STEAP1: variants seen among roughly 807,000 people sequenced by gnomAD.
STEAP1 encodes the protein STEAP1 protein.
Under a neutral mutation model 34.4 loss-of-function variants are expected in STEAP1, and 30 were observed. The ratio of observed to expected loss-of-function variants is 0.87; its 90% CI spans 0.65 to 1.18. The LOEUF is 1.18. STEAP1 is among the 50% of genes most tolerant of loss of function. The pLI, the probability that STEAP1 is intolerant of heterozygous loss-of-function variation, is 0.00. For missense variants in STEAP1, 318 were observed against 391.1 expected (o/e 0.81, Z 1.58); for synonymous variants, 116 against 135.3 (o/e 0.86, Z 0.99).
At chr7:90,156,813 G>A (rs1351052675) in intron 1 of STEAP1, among the ~76,000 whole-genome samples, 2 of 152,094 alleles carry the variant, frequency 1.3e-5, no homozygotes, top group Admixed American at 6.5e-5. Flanking sequence ...TTCACCTTCC[G>A]CCATGACTAT....
At chr7:90,154,698 C>G (rs1212558937) in intron 1 of STEAP1, among the ~76,000 whole-genome samples, 155 bp downstream of exon 1, 1 of 152,184 alleles carries the variant, frequency 6.6e-6, no homozygotes, top group Non-Finnish European at 1.5e-5. Flanking sequence ...GCGAGCGCTG[C>G]TCAATTCTCC....
intron 3 of STEAP1, 47 bp downstream of exon 3, chr7:90,161,364 C>T: frequency 6.5e-7 from 1 of 1,543,222 alleles, no homozygotes; most frequent in South Asian, 1.3e-5. Flanking sequence ...GTCTAAGTCA[C>T]CTAACAAATT....
At chr7:90,162,820 TAG>T (rs1401578455) in intron 4 of STEAP1, among the ~76,000 whole-genome samples, 7 of 152,292 alleles carry the variant, frequency 4.6e-5, no homozygotes, top group Middle Eastern at 3.4e-3. Context: ...CTTGAAATAA[TAG>T]AGTTTTTATC....
chr7:90,164,748 A>C lies in STEAP1; in HGVS notation c.*14A>C. The C allele has an allele frequency of 1.9e-6, 3 of 1,590,662 alleles. No individual in the cohort carries two copies. The highest frequency in any genetic ancestry group is 2.6e-6 in the Non-Finnish European group (3 of 1,168,586). ...TCCCAGTTGTAGAATTACTGTTTAC[A>C]CACATTTTTGTTCAATATTGATATA... On this transcript the variant is annotated 3_prime_UTR_variant, in exon 5 of 5. Transcript: ENST00000297205.
chr7:90,160,708 CA>C (rs1431658999), intron 2 of STEAP1, 96 bp from the exon 3 acceptor site: 2 of 1,506,736 alleles, frequency 1.3e-6, no homozygotes, highest in African/African-American at 2.8e-5. Flanking sequence ...TGCCCTTATT[CA>C]ATGAGAAGCA....
chr7:90,160,235 C>T (rs1794166029), intron 2 of STEAP1, among the ~76,000 whole-genome samples: 1 of 151,170 alleles, frequency 6.6e-6, no homozygotes, highest in Non-Finnish European at 1.5e-5. Context: ...GCCCATATAA[C>T]AGTAATTTTG....
intron 1 of STEAP1, among the ~76,000 whole-genome samples, chr7:90,156,494 G>A (rs1340197999): frequency 6.6e-6 from 1 of 152,212 alleles, no homozygotes; most frequent in Non-Finnish European, 1.5e-5. Context: ...TTTAGGAACT[G>A]GGCTGCACAG....
rs780653386 is a variant in STEAP1 at position 90,161,118 on chromosome 7, GTGTGATAGCAGCAAT to G, written c.402_416del (p.Ile135_Val139del). The G allele has an allele frequency of 1.6e-5, 26 of 1,613,878 alleles. No homozygotes were observed. Among genetic ancestry groups the G allele is most frequent in the Non-Finnish European group, 2.1e-5 (25 of 1,179,880 alleles). ...CTCTTGGCATTGGTTTACCTGCCAGGTGTGATAGCAGCAATTGTCCAACTTCATAATGGAACCAAG... is the reference window on the plus strand; with the variant it reads ...CTCTTGGCATTGGTTTACCTGCCAGGTGTCCAACTTCATAATGGAACCAAG... On this transcript the variant is annotated inframe_deletion, in exon 3 of 5. Coordinates refer to ENST00000297205, the MANE Select transcript of STEAP1 (RefSeq NM_012449.3).
rs1562784625 is a variant in STEAP1, at chr7:90,161,118, G to C, written c.398G>C (p.Gly133Ala). ...ITLLALVYLP[G>A]VIAAIVQLHN... The stretch of plus-strand genomic sequence containing the variant: ...CTCTTGGCATTGGTTTACCTGCCAG[G>C]TGTGATAGCAGCAATTGTCCAACTT... The change falls in exon 3 of 5, where the codon GGT becomes GCT. Residue 133 changes from glycine to alanine, a missense_variant. Gly to Ala is a moderately conservative substitution (Grantham distance 60, BLOSUM62 0). Coordinates refer to ENST00000297205, the MANE Select transcript of STEAP1 (RefSeq NM_012449.3). The C allele has an allele frequency of 6.2e-7, 1 of 1,613,996 alleles. No homozygotes were observed. The highest frequency in any genetic ancestry group is 8.5e-7 in the Non-Finnish European group (1 of 1,179,872).
At position 90,164,537 on chromosome 7, in the gene STEAP1, A is replaced by T. The variant is rs191888544; in HGVS notation, c.823A>T (p.Asn275Tyr). 8.2e-5 allele frequency: 133 copies of T among 1,613,468 alleles called. No individual in the cohort carries two copies. Among genetic ancestry groups the T allele is most frequent in the Non-Finnish European group, 1.1e-4 (132 of 1,179,680 alleles). ...GTIHALIFAW[N>Y]KWIDIKQFVW... is the part of the protein sequence containing the mutation. ...AATACACGCATTGATTTTTGCCTGG[A>T]ATAAGTGGATAGATATAAAACAATT... Residue 275 changes from asparagine (N) to tyrosine (Y), a missense_variant, in exon 5 of 5, where the codon AAT (asparagine) becomes TAT (tyrosine). By Grantham distance (143) the Asn-to-Tyr change is moderately radical (BLOSUM62 -2). Coordinates refer to ENST00000297205, the MANE Select transcript of STEAP1 (RefSeq NM_012449.3).
rs758880644 is a variant in STEAP1, at chr7:90,159,864, G to A, written c.76G>A (p.Asp26Asn). The change falls in exon 2 of 5, where the codon GAT becomes AAT. Residue 26 changes from aspartate (D) to asparagine (N), a missense_variant. Transcript: ENST00000297205. ...GCCTAGGAGAAATTTAGAAGAAGAC[G>A]ATTATTTGGTAAAATATTAATAATA... Reference protein sequence around the residue: ...MKPRRNLEEDDYLHKDTGETS... With the variant: ...MKPRRNLEEDNYLHKDTGETS... 4.7e-5 allele frequency: 71 copies of A among 1,523,384 alleles called. No individual in the cohort carries two copies. Among genetic ancestry groups the A allele is most frequent in the African/African-American group, 2.4e-4 (17 of 71,382 alleles). The allele number at this position is 1,523,384 out of a possible 1,614,324, so 94.4% of individuals were successfully genotyped here.
intron 4 of STEAP1, 71 bp downstream of exon 4, chr7:90,162,149 T>G: frequency 6.7e-7 from 1 of 1,491,170 alleles, no homozygotes; most frequent in Non-Finnish European, 8.9e-7. Context: ...ATATGTTGAC[T>G]TTACCCCATA....
rs1386753714 is a variant in STEAP1 at position 90,163,034 on chromosome 7, A to G, written c.762+956A>G. 1.8e-5 allele frequency: 8 copies of G among 435,590 alleles called. No homozygotes were observed. The Admixed American group carries it at 1.9e-4, about 10-fold the overall frequency. The allele number at this position is 435,590 out of a possible 1,614,324, so 27.0% of individuals were successfully genotyped here. ...CTGGGATCCTTGTCTGACAAGATTCAAAGGACTAAATTTAATTCAGTCATG... is the reference window on the plus strand; with the variant it reads ...CTGGGATCCTTGTCTGACAAGATTCGAAGGACTAAATTTAATTCAGTCATG... On this transcript the variant is annotated intron_variant, in intron 4 of 4. Transcript: ENST00000297205.
chr7:90,162,308 T>TTTGGTTTG (rs1554336336), intron 4 of STEAP1: 4 of 596,546 alleles, frequency 6.7e-6, no homozygotes, highest in Admixed American at 4.2e-5. Context: ...TGTTTTTTTT[T>TTTGGTTTG]TTTGTTTGTT....
Position 90,161,228 on chromosome 7 carries a change from T to C in STEAP1, c.508T>C (p.Phe170Leu), listed in dbSNP as rs1794182229. 1.2e-6 allele frequency: 2 copies of C among 1,614,050 alleles called. No homozygotes were observed. The highest frequency in any genetic ancestry group is 1.7e-5 in the Admixed American group (1 of 60,004). The change falls in exon 3 of 5, where the codon TTT becomes CTT. Residue 170 changes from phenylalanine (F) to leucine (L), a missense_variant. Phe to Leu is a conservative substitution (Grantham distance 22). Coordinates refer to ENST00000297205, the MANE Select transcript of STEAP1 (RefSeq NM_012449.3). ...AAAGCAGTTTGGGCTTCTCAGTTTC[T>C]TTTTTGCTGTACTGCATGCAATTTA... ...TRKQFGLLSF[F>L]FAVLHAIYSL...
intron 1 of STEAP1, among the ~76,000 whole-genome samples, chr7:90,158,230 T>C (rs1362841625): frequency 6.6e-6 from 1 of 152,176 alleles, no homozygotes; most frequent in Non-Finnish European, 1.5e-5. Flanking sequence ...TACAGTACTA[T>C]AGACTTTATA....
At chr7:90,163,567 A>T (rs1227230361) in intron 4 of STEAP1, among the ~76,000 whole-genome samples, 1 of 152,220 alleles carries the variant, frequency 6.6e-6, no homozygotes, top group Non-Finnish European at 1.5e-5. Context: ...TTGGAGATTC[A>T]TATATGAAAA....
rs771726443 is a variant in STEAP1, at chr7:90,161,145, A to G, written c.425A>G (p.His142Arg). ...GTGATAGCAGCAATTGTCCAACTTC[A>G]TAATGGAACCAAGTATAAGAAGTTT... ...PGVIAAIVQL[H>R]NGTKYKKFPH... Residue 142 changes from histidine to arginine, a missense_variant, in exon 3 of 5, where the codon CAT becomes CGT. Coordinates refer to ENST00000297205, the MANE Select transcript of STEAP1 (RefSeq NM_012449.3). 1.2e-6 allele frequency: 2 copies of G among 1,614,018 alleles called. No homozygotes were observed. Among genetic ancestry groups the G allele is most frequent in the South Asian group, 1.1e-5 (1 of 91,074 alleles).
Position 90,161,945 on chromosome 7 carries a change from A to T in STEAP1, c.629A>T (p.Glu210Val), listed in dbSNP as rs1374118474. The T allele has an allele frequency of 4.3e-6, 7 of 1,613,106 alleles. No homozygotes were observed. The East Asian group carries it at 1.6e-4, about 36-fold the overall frequency. Residue 210 changes from glutamate (E) to valine (V), a missense_variant, in exon 4 of 5, where the codon GAG (glutamate) becomes GTG (valine). Coordinates refer to ENST00000297205, the MANE Select transcript of STEAP1 (RefSeq NM_012449.3). ...VQQNKEDAWI[E>V]HDVWRMEIYV... ...CAAAATAAAGAAGATGCCTGGATTG[A>T]GCATGATGTTTGGAGAATGGAGATT...
Sources: allele counts gnomAD v4.1 joint callset (sites outside exome capture counted in the v4.1 genomes callset), GRCh38; gene constraint gnomAD v4.1.1; transcripts MANE v1.5; gene names NCBI Gene and HGNC (gene_info 2026-07-23, HGNC 2026-07-21).